The following CSMD2 variants were observed in gnomAD, a reference collection of about 807,000 sequenced individuals.
The protein encoded by CSMD2 is CUB and sushi domain-containing protein 2.
CSMD2 carries 130 observed loss-of-function variants against 398.5 expected under a neutral mutation model. The observed-to-expected ratio is 0.33, with a 90% CI of 0.28 to 0.38. The LOEUF is 0.38. Ranked by LOEUF, CSMD2 falls within the 10% of genes least tolerant of loss-of-function variation. The pLI, the probability that CSMD2 is intolerant of heterozygous loss-of-function variation, is 1.00. For missense variants in CSMD2, 3,829 were observed against 4,764.9 expected (o/e 0.80, Z 5.78); for synonymous variants, 1,828 against 1,908.5 (o/e 0.96, Z 1.10).
intron 1 of CSMD2, among the ~76,000 whole-genome samples, chr1:34,117,008 T>C (rs962611833): frequency 1.3e-5 from 2 of 151,882 alleles, no homozygotes; most frequent in African/African-American, 4.8e-5. Context: ...AGACAGAAGT[T>C]TACAGCAGCA....
At chr1:34,048,113 G>C (rs1652750914) in intron 2 of CSMD2, among the ~76,000 whole-genome samples, 1 of 151,828 alleles carries the variant, frequency 6.6e-6, no homozygotes, top group Non-Finnish European at 1.5e-5. Flanking sequence ...AATGGGGAAG[G>C]AAGCTTTGAG....
At chr1:33,900,950 C>T (rs1405811492) in intron 5 of CSMD2, among the ~76,000 whole-genome samples, 2 of 152,180 alleles carry the variant, frequency 1.3e-5, no homozygotes, top group Admixed American at 1.3e-4. Context: ...TCAAAGCCTA[C>T]TTTAAGGGTG....
chr1:33,709,573 C>A, intron 21 of CSMD2: 1 of 442,504 alleles, frequency 2.3e-6, no homozygotes, highest in South Asian at 6.8e-5. Context: ...AGCAGCCGTG[C>A]CACATACCTA....
intron 3 of CSMD2, among the ~76,000 whole-genome samples, chr1:33,955,817 C>T (rs1220624807): frequency 1.3e-5 from 2 of 152,016 alleles, no homozygotes; most frequent in Admixed American, 6.5e-5. Flanking sequence ...AATAAAGTGC[C>T]GGCGTTCAGT....
At chr1:33,848,501 T>A (rs1240622521) in intron 5 of CSMD2, among the ~76,000 whole-genome samples, 2 of 152,072 alleles carry the variant, frequency 1.3e-5, no homozygotes, top group African/African-American at 2.4e-5. Context: ...AGGTAAGTAT[T>A]CTCAGGCATG....
intron 2 of CSMD2, among the ~76,000 whole-genome samples, chr1:34,079,108 A>G (rs1174393343): frequency 1.3e-5 from 2 of 152,202 alleles, no homozygotes; most frequent in Non-Finnish European, 2.9e-5. Context: ...CCTCTGCTTA[A>G]AAATTTTTAT....
chr1:33,726,566 TG>T lies in CSMD2; in HGVS notation c.2487del (p.Ile830SerfsTer29). The T allele has an allele frequency of 6.2e-7, 1 of 1,611,086 alleles. No homozygotes were observed. The highest frequency in any genetic ancestry group is 8.5e-7 in the Non-Finnish European group (1 of 1,177,984). On this transcript the variant is annotated frameshift_variant, in exon 16 of 71. Transcript: ENST00000373381. LOFTEE classifies it high-confidence loss of function. ...AWVIEAQPGY[P>X]IKITFDRFKT... ...AAGCACCTGTCGAAGGTGATTTTGA[TG>T]GGGTAGCCTGGCTGGGCCTCAATCA...
chr1:33,869,022 G>C (rs1288187110), intron 5 of CSMD2: 1 of 152,226 alleles, frequency 6.6e-6, no homozygotes, highest in East Asian at 1.9e-4. Flanking sequence ...CATATTAGAG[G>C]GACAGAGGGA....
chr1:34,086,550 G>T (rs960071357), intron 2 of CSMD2, among the ~76,000 whole-genome samples: 1 of 152,166 alleles, frequency 6.6e-6, no homozygotes, highest in African/African-American at 2.4e-5. Flanking sequence ...TTAAGGCCAA[G>T]GAGACTGGAA....
chr1:34,122,705 G>T (rs1662319548), intron 1 of CSMD2, among the ~76,000 whole-genome samples: 1 of 152,086 alleles, frequency 6.6e-6, no homozygotes, highest in Admixed American at 6.5e-5. Flanking sequence ...CCCCATCTGT[G>T]CTCAGGATTC....
chr1:33,887,300 A>C (rs960749981), intron 5 of CSMD2, among the ~76,000 whole-genome samples: 1 of 152,182 alleles, frequency 6.6e-6, no homozygotes, highest in Non-Finnish European at 1.5e-5. Context: ...TTTATAACAT[A>C]AACAACGAGG....
chr1:33,656,910 T>C (rs1643963317), intron 27 of CSMD2, among the ~76,000 whole-genome samples: 1 of 152,174 alleles, frequency 6.6e-6, no homozygotes, highest in Non-Finnish European at 1.5e-5. Context: ...TGGGTTCTCT[T>C]CTCTTCTAAC....
rs141054090 is a variant in CSMD2 at position 34,155,848 on chromosome 1, C to T, written c.187+9063G>A. ...TTCTTTTTTAAAGAGCTTCCAAGTC[C>T]ATCATTGCATAGACACACTGTGTAT... On this transcript the variant is annotated intron_variant, in intron 1 of 70. Coordinates refer to ENST00000373381, the MANE Select transcript of CSMD2 (RefSeq NM_001281956.2). Among the ~76,000 whole-genome samples, 552 of 152,274 alleles carry T rather than the reference C, an allele frequency of 3.6e-3. 2 individuals are homozygous for T. The highest frequency in any genetic ancestry group is 0.012 in the African/African-American group (516 of 41,558).
intron 5 of CSMD2, among the ~76,000 whole-genome samples, chr1:33,896,393 A>G (rs931636543): frequency 1.1e-4 from 17 of 152,160 alleles, no homozygotes; most frequent in African/African-American, 4.1e-4. Context: ...AAGCTTGAGG[A>G]CATCACCTGG....
intron 12 of CSMD2, among the ~76,000 whole-genome samples, chr1:33,784,682 C>T (rs1569919577): frequency 6.6e-6 from 1 of 152,148 alleles, no homozygotes; most frequent in Non-Finnish European, 1.5e-5. Context: ...AACCCAGGGC[C>T]TATCAGAGCA....
intron 3 of CSMD2, among the ~76,000 whole-genome samples, chr1:34,026,613 C>T (rs1298310778): frequency 6.6e-6 from 1 of 152,210 alleles, no homozygotes; most frequent in East Asian, 1.9e-4. Context: ...GGATTAAGCA[C>T]TAAAAACCTG....
At chr1:33,539,647 T>C (rs1193627162) in intron 60 of CSMD2, among the ~76,000 whole-genome samples, 1 of 152,232 alleles carries the variant, frequency 6.6e-6, no homozygotes, top group East Asian at 1.9e-4. Context: ...ACTTTTACTT[T>C]CTTTTTTGTA....
intron 3 of CSMD2, among the ~76,000 whole-genome samples, chr1:33,942,507 G>A (rs1227029438): frequency 2.0e-5 from 3 of 152,226 alleles, no homozygotes; most frequent in Non-Finnish European, 4.4e-5. Context: ...GCCCTGCTGG[G>A]CTTTGCCCTA....
Position 33,714,752 on chromosome 1 carries a change from C to T in CSMD2, c.3241G>A (p.Glu1081Lys). 1.2e-6 allele frequency: 2 copies of T among 1,614,128 alleles called. No homozygotes were observed. The highest frequency in any genetic ancestry group is 1.7e-6 in the Non-Finnish European group (2 of 1,180,038). Residue 1081 changes from glutamate to lysine, a missense_variant, in exon 21 of 71, where the codon GAG becomes AAG. Transcript: ENST00000373381. Reference protein sequence around the residue: ...FSEYDLEPCEEPEVPAYSIRK... With the variant: ...FSEYDLEPCEKPEVPAYSIRK... ...ATGCTGTAGGCTGGGACCTCGGGCT[C>T]CTCACAGGGCTCCAAGTCGTACTCT...
Sources: gnomAD v4.1 joint callset for allele counts (sites outside exome capture counted in the v4.1 genomes callset) on GRCh38, gnomAD v4.1.1 for gene constraint, MANE v1.5 for transcripts, NCBI Gene and HGNC (gene_info 2026-07-23, HGNC 2026-07-21) for gene names.